Variants in CDH1 observed in about 807,000 individuals in gnomAD.
CDH1 encodes cadherin 1.
CDH1 carries 35 observed loss-of-function variants against 84.5 expected under a neutral mutation model. The ratio of observed to expected loss-of-function variants is 0.41; its 90% CI spans 0.32 to 0.55. The LOEUF is 0.55. CDH1 is among the 20% of genes least tolerant of loss of function. The pLI, the probability that CDH1 is intolerant of heterozygous loss-of-function variation, is 0.19. For missense variants in CDH1, 994 were observed against 1,126.6 expected, an observed-to-expected ratio of 0.88 and a Z score of 1.68; for synonymous variants, 417 against 439.0, an observed-to-expected ratio of 0.95 and a Z score of 0.63.
chr16:68,829,385 T>A (rs1961415646), intron 14 of CDH1, among the ~76,000 whole-genome samples: 1 of 152,218 alleles, frequency 6.6e-6, no homozygotes, highest in African/African-American at 2.4e-5. Flanking sequence ...AACAGTGATC[T>A]AATCATCATG....
intron 1 of CDH1, 56 bp downstream of exon 1, chr16:68,737,519 C>CCAGCCCCGTGCCA (rs2152114048): frequency 1.4e-6 from 2 of 1,445,432 alleles, no homozygotes; most frequent in Non-Finnish European, 1.9e-6. Flanking sequence ...GCTCCGCGCC[C>CCAGCCCCGTGCCA]CAGCCCTGCG....
At chr16:68,753,492 C>A (rs1020639172) in intron 2 of CDH1, among the ~76,000 whole-genome samples, 3 of 151,770 alleles carry the variant, frequency 2.0e-5, no homozygotes, top group African/African-American at 7.2e-5. Context: ...TTTTTAGCCA[C>A]CATGCCCGGC....
chr16:68,818,538 T>C (rs901983353), intron 10 of CDH1, among the ~76,000 whole-genome samples: 115 of 149,398 alleles, frequency 7.7e-4, no homozygotes, highest in Middle Eastern at 3.4e-3. Flanking sequence ...GTTTTCTTTT[T>C]TTTTTTTTTT....
chr16:68,833,487 C>A lies in CDH1; in HGVS notation c.2637C>A (p.Gly879=), dbSNP rs141001592. Residue 879 remains glycine, a synonymous_variant, in exon 16 of 16, where the codon GGC becomes GGA. Transcript: ENST00000261769. The stretch of plus-strand genomic sequence containing the variant: ...AGCTGGCTGACATGTACGGAGGCGG[C>A]GAGGACGACTAGGGGACTCGAGAGA... ...FKKLADMYGG[G]EDD The A allele has an allele frequency of 6.2e-7, 1 of 1,613,438 alleles. No homozygotes were observed. Among genetic ancestry groups the A allele is most frequent in the African/African-American group, 1.3e-5 (1 of 74,870 alleles).
At chr16:68,827,934 C>T (rs1344548376) in intron 13 of CDH1, among the ~76,000 whole-genome samples, 1 of 152,126 alleles carries the variant, frequency 6.6e-6, no homozygotes, top group Non-Finnish European at 1.5e-5. Flanking sequence ...GTTTAAAACC[C>T]ATCTGAAAGT....
intron 2 of CDH1, among the ~76,000 whole-genome samples, chr16:68,773,016 G>C (rs529971927): frequency 6.6e-6 from 1 of 152,186 alleles, no homozygotes; most frequent in Non-Finnish European, 1.5e-5. Flanking sequence ...TAATACATTA[G>C]ACAAAAAGAA....
chr16:68,826,447 A>G (rs1478472891), intron 13 of CDH1: 1 of 151,978 alleles, frequency 6.6e-6, no homozygotes, highest in African/African-American at 2.4e-5. Context: ...CCTCCGGCCA[A>G]TTTCTTGTTT....
rs587782025 is a variant in CDH1 at position 68,833,422 on chromosome 16, G to C, written c.2572G>C (p.Asp858His). 39 of 1,614,214 alleles carry C rather than the reference G, an allele frequency of 2.4e-5. No individual in the cohort carries two copies. The highest frequency in any genetic ancestry group is 3.1e-5 in the Non-Finnish European group (37 of 1,180,044). Reference sequence around the variant, plus strand: ...CTCCTCAGAGTCAGACAAAGACCAGGACTATGACTACTTGAACGAATGGGG... The same window carrying C: ...CTCCTCAGAGTCAGACAAAGACCAGCACTATGACTACTTGAACGAATGGGG... The part of the protein sequence containing the change: ...LNSSESDKDQ[D>H]YDYLNEWGNR... Residue 858 changes from aspartate to histidine, a missense_variant, in exon 16 of 16, where the codon GAC becomes CAC. This residue lies in a region of CDH1 where 769 missense variants were observed against 881.8 expected (regional missense o/e 0.87). Coordinates refer to ENST00000261769, the MANE Select transcript of CDH1 (RefSeq NM_004360.5).
chr16:68,804,824 CTTTTTTTTT>C (rs5817653), intron 3 of CDH1, among the ~76,000 whole-genome samples: 39 of 69,672 alleles, frequency 5.6e-4, no homozygotes, highest in African/African-American at 2.6e-3. Context: ...GTAACAAAAT[CTTTTTTTTT>C]TTTTTTTTTT....
intron 2 of CDH1, among the ~76,000 whole-genome samples, chr16:68,756,078 A>C (rs867520036): frequency 3.3e-5 from 5 of 151,962 alleles, no homozygotes; most frequent in Non-Finnish European, 7.4e-5. Flanking sequence ...GAGTTTTCTA[A>C]AGATTCTTCC....
At chr16:68,796,588 T>C (rs1463906385) in intron 2 of CDH1, among the ~76,000 whole-genome samples, 3 of 152,210 alleles carry the variant, frequency 2.0e-5, no homozygotes, top group Admixed American at 6.5e-5. Context: ...AAGCTTTTCA[T>C]GAACTTGGGT....
chr16:68,775,240 C>T (rs920040281), intron 2 of CDH1, among the ~76,000 whole-genome samples: 2 of 152,070 alleles, frequency 1.3e-5, no homozygotes, highest in African/African-American at 4.8e-5. Flanking sequence ...CTTTATGAGC[C>T]ATTTGAAAGT....
intron 2 of CDH1, among the ~76,000 whole-genome samples, chr16:68,752,167 G>T (rs1962901918): frequency 6.6e-6 from 1 of 151,994 alleles, no homozygotes; most frequent in Non-Finnish European, 1.5e-5. Context: ...GGCCAGGTTG[G>T]TCTTGAACTC....
intron 2 of CDH1, among the ~76,000 whole-genome samples, chr16:68,794,726 GC>G (rs1390508715): frequency 2.8e-5 from 4 of 140,420 alleles, no homozygotes; most frequent in African/African-American, 1.1e-4. Context: ...TCGCTCAGTC[GC>G]CCAGGCTGGA....
At chr16:68,789,274 G>T (rs766577649) in intron 2 of CDH1, among the ~76,000 whole-genome samples, 26 of 151,916 alleles carry the variant, frequency 1.7e-4, no homozygotes, top group Non-Finnish European at 3.5e-4. Context: ...CAAGTGATCC[G>T]CCCACTTCAG....
At position 68,819,326 on chromosome 16, in the gene CDH1, G is replaced by T. The variant is rs756154596; in HGVS notation, c.1612G>T (p.Asp538Tyr). The T allele has an allele frequency of 1.2e-6, 2 of 1,614,156 alleles. No homozygotes were observed. The highest frequency in any genetic ancestry group is 3.3e-5 in the Admixed American group (2 of 60,010). The change falls in exon 11 of 16, where the codon GAC (aspartate) becomes TAC (tyrosine). Residue 538 changes from aspartate (D) to tyrosine (Y), a missense_variant. Around this residue, in one of 3 missense-constraint regions of CDH1, gnomAD observed 769 missense variants for 881.8 expected, o/e 0.87. Coordinates refer to ENST00000261769, the MANE Select transcript of CDH1 (RefSeq NM_004360.5). ...TGCCAACTGGCTGGAGATTAATCCG[G>T]ACACTGGTGCCATTTCCACTCGGGC... is the stretch of plus-strand genomic sequence containing the variant. ...DTANWLEINP[D>Y]TGAISTRAEL...
At chr16:68,811,567 C>A in intron 6 of CDH1, 117 bp from the exon 7 acceptor site, 2 of 879,458 alleles carry the variant, frequency 2.3e-6, no homozygotes, top group Non-Finnish European at 3.8e-6. Flanking sequence ...GGAACTCTGA[C>A]ACGGTACCAC....
intron 2 of CDH1, among the ~76,000 whole-genome samples, chr16:68,750,292 C>G (rs375573851): frequency 1.3e-5 from 2 of 152,042 alleles, no homozygotes; most frequent in East Asian, 3.8e-4. Flanking sequence ...CTCTCTGGGT[C>G]CCAGAAAATC....
chr16:68,756,129 CA>C (rs1567480136), intron 2 of CDH1, among the ~76,000 whole-genome samples: 3 of 147,672 alleles, frequency 2.0e-5, no homozygotes, highest in African/African-American at 7.9e-5. Context: ...TCATTTAGGG[CA>C]TATTTTTTTT....
Sources: gnomAD v4.1 joint callset for allele counts (sites outside exome capture counted in the v4.1 genomes callset) on GRCh38, gnomAD v4.1.1 for gene constraint, gnomAD v4.1.1 regional missense constraint, MANE v1.5 for transcripts, NCBI Gene and HGNC (gene_info 2026-07-23, HGNC 2026-07-21) for gene names.